The following MFAP1 variants were observed in gnomAD, a reference collection of about 807,000 sequenced individuals.
MFAP1 encodes microfibrillar-associated protein 1.
In MFAP1, 18 loss-of-function variants were observed where a neutral mutation model predicts 62.2. The ratio of observed to expected loss-of-function variants is 0.29; its 90% CI spans 0.20 to 0.43. The LOEUF (loss-of-function observed/expected upper bound fraction) is 0.43, where lower values mean the gene tolerates loss of function less well. Ranked by LOEUF, MFAP1 falls within the 20% of genes least tolerant of loss-of-function variation. MFAP1 has a pLI of 1.00. For synonymous variants in MFAP1, 175 were observed against 180.4 expected (o/e 0.97, Z 0.24); for missense variants, 355 against 559.7 (o/e 0.63, Z 3.69).
At chr15:43,818,101 C>G (rs1031301825) in intron 1 of MFAP1, among the ~76,000 whole-genome samples, 2 of 150,918 alleles carry the variant, frequency 1.3e-5, no homozygotes, top group Non-Finnish European at 2.9e-5. Context: ...CTCACTGCAA[C>G]CTCCGCCTCC....
Position 43,809,787 on chromosome 15 carries a change from G to GT in MFAP1, c.1014dup (p.Gln339ThrfsTer13). The GT allele has an allele frequency of 6.2e-7, 1 of 1,614,078 alleles. No homozygotes were observed. Among genetic ancestry groups the GT allele is most frequent in the Non-Finnish European group, 8.5e-7 (1 of 1,179,980 alleles). On this transcript the variant is annotated frameshift_variant, in exon 7 of 9. Transcript: ENST00000267812. LOFTEE classifies it high-confidence loss of function. ...AAGGCACCCCGGTGATAATACTTCT[G>GT]TAAGAACTTGTATTTGCCCTTAACA... is the stretch of plus-strand genomic sequence containing the variant.
Position 43,813,109 on chromosome 15 carries a change from G to A in MFAP1, c.765C>T (p.Asn255=). The change falls in exon 6 of 9, where the codon AAC becomes AAT. Residue 255 remains asparagine (N), a synonymous_variant. Transcript: ENST00000267812. The stretch of plus-strand genomic sequence containing the variant: ...CATCCAATGCAGCCAGGGATCGCTT[G>A]TTCTCTTCCAGCTCTTTTTTGGTTT... ...EEETKKELEE[N]KRSLAALDAL... 6.2e-7 allele frequency: 1 copy of A among 1,614,144 alleles called. No individual in the cohort carries two copies. The highest frequency in any genetic ancestry group is 8.5e-7 in the Non-Finnish European group (1 of 1,180,034).
Position 43,805,145 on chromosome 15 carries a change from C to G in MFAP1, c.1269G>C (p.Gly423=), listed in dbSNP as rs746903804. ...ATGGCCGCTCAAATACATCTCGTAC[C>G]CCAGCTGCCTTTTGTTTGAAGAACT... ...NTKFFKQKAA[G]VRDVFERPSA... Residue 423 remains glycine, a synonymous_variant, in exon 9 of 9, where the codon GGG becomes GGC. Transcript: ENST00000267812. The G allele has an allele frequency of 1.2e-6, 2 of 1,600,150 alleles. No homozygotes were observed. Among genetic ancestry groups the G allele is most frequent in the African/African-American group, 2.7e-5 (2 of 74,674 alleles).
intron 6 of MFAP1, among the ~76,000 whole-genome samples, chr15:43,811,051 G>A (rs1055655474): frequency 1.4e-5 from 2 of 146,410 alleles, no homozygotes; most frequent in African/African-American, 5.0e-5. Flanking sequence ...CACCACGCCC[G>A]GCCTTGTGTA....
At chr15:43,823,094 C>T (rs2087476642) in intron 1 of MFAP1, among the ~76,000 whole-genome samples, 1 of 151,972 alleles carries the variant, frequency 6.6e-6, no homozygotes, top group Non-Finnish European at 1.5e-5. Context: ...GCCTCAGCCT[C>T]CCAAAGTGCT....
At chr15:43,814,367 AGG>A (rs1159724082) in intron 4 of MFAP1, 132 bp downstream of exon 4, 1 of 932,850 alleles carries the variant, frequency 1.1e-6, no homozygotes, top group Non-Finnish European at 1.6e-6. Context: ...TAGTCTGCCA[AGG>A]GTAGAGCACT....
intron 1 of MFAP1, 151 bp from the exon 2 acceptor site, chr15:43,817,599 A>C (rs1857550386): frequency 2.3e-5 from 18 of 770,994 alleles, no homozygotes; most frequent in Non-Finnish European, 3.7e-5. Flanking sequence ...CTACTCTTCT[A>C]ATGGTGTTTT....
At chr15:43,815,308 T>G (rs1319485718) in intron 2 of MFAP1, among the ~76,000 whole-genome samples, 1 of 151,838 alleles carries the variant, frequency 6.6e-6, no homozygotes, top group Non-Finnish European at 1.5e-5. Context: ...GCCTCCTGAG[T>G]AGCTGGGACT....
At chr15:43,809,148 A>G (rs1261910964) in intron 7 of MFAP1, among the ~76,000 whole-genome samples, 1 of 152,134 alleles carries the variant, frequency 6.6e-6, no homozygotes, top group East Asian at 1.9e-4. Context: ...TAATTAGTCC[A>G]CTATCTGTAC....
At chr15:43,824,441 G>C (rs907494337) in intron 1 of MFAP1, 50 bp downstream of exon 1, 1 of 1,596,590 alleles carries the variant, frequency 6.3e-7, no homozygotes, top group Non-Finnish European at 8.6e-7. Context: ...GAGGTTGCTG[G>C]GGCCGGAAGG....
intron 1 of MFAP1, among the ~76,000 whole-genome samples, chr15:43,823,322 T>C (rs1262410889): frequency 6.6e-6 from 1 of 152,016 alleles, no homozygotes; most frequent in African/African-American, 2.4e-5. Context: ...TGGGGAGCAA[T>C]TGGCAACAGG....
chr15:43,805,616 C>T (rs1195344072), intron 7 of MFAP1, 151 bp from the exon 8 acceptor site: 5 of 509,496 alleles, frequency 9.8e-6, no homozygotes, highest in Admixed American at 4.1e-5. Context: ...AGATGACATT[C>T]TTTTTTTTTT....
intron 6 of MFAP1, among the ~76,000 whole-genome samples, chr15:43,810,997 C>T (rs973051601): frequency 4.0e-5 from 6 of 151,536 alleles, no homozygotes; most frequent in African/African-American, 7.3e-5. Flanking sequence ...CCTTGTGAGC[C>T]GCCCACCTCG....
intron 2 of MFAP1, 57 bp from the exon 3 acceptor site, chr15:43,815,131 A>T (rs989178713): frequency 1.9e-6 from 3 of 1,606,166 alleles, no homozygotes; most frequent in Non-Finnish European, 1.7e-6. Flanking sequence ...AGTAGCATCA[A>T]CTGCATTTCC....
rs2087488341 is a variant in MFAP1, at chr15:43,824,661, T to C, written c.-92A>G. 2.2e-6 allele frequency: 3 copies of C among 1,337,740 alleles called. No homozygotes were observed. Among genetic ancestry groups the C allele is most frequent in the Non-Finnish European group, 3.2e-6 (3 of 937,146 alleles). 82.9% of individuals were successfully genotyped at this position (1,337,740 alleles called of 1,614,324 possible). A position where few individuals can be genotyped will look rare whatever the true frequency, so the allele number is the denominator to read the frequency against. On this transcript the variant is annotated 5_prime_UTR_variant, in exon 1 of 9. Coordinates refer to ENST00000267812, the MANE Select transcript of MFAP1 (RefSeq NM_005926.3). Reference sequence around the variant, plus strand: ...ACGAAGAGAAGAAATTCCTTCCACCTGAGTCCGCGAACACAGCTGCGCGAC... The same window carrying C: ...ACGAAGAGAAGAAATTCCTTCCACCCGAGTCCGCGAACACAGCTGCGCGAC...
rs1465171237 is a variant in MFAP1, at chr15:43,810,137, GCC to G, written c.888-225_888-224del. On this transcript the variant is annotated intron_variant, in intron 6 of 8. Coordinates refer to ENST00000267812, the MANE Select transcript of MFAP1 (RefSeq NM_005926.3). ...TGCCAACTTTCAAAAGTTGATTCTA[GCC>G]CTTCTGACGTTCAGACATACTATTA... 1.3e-5 allele frequency: 6 copies of G among 468,616 alleles called. No individual in the cohort carries two copies. The East Asian group carries it at 2.0e-4, about 15-fold the overall frequency. 29.0% of individuals were successfully genotyped at this position (468,616 alleles called of 1,614,324 possible).
intron 4 of MFAP1, among the ~76,000 whole-genome samples, chr15:43,813,703 G>C (rs1340337657): frequency 2.0e-5 from 3 of 151,560 alleles, no homozygotes; most frequent in African/African-American, 4.8e-5. Flanking sequence ...GTAGAGATGG[G>C]GTTTCACCAT....
intron 1 of MFAP1, among the ~76,000 whole-genome samples, chr15:43,819,874 G>A (rs756720587): frequency 6.6e-6 from 1 of 152,228 alleles, no homozygotes; most frequent in Non-Finnish European, 1.5e-5. Context: ...CCAGCTGGGT[G>A]TGGTGGCTCA....
chr15:43,805,093 C>A lies in MFAP1; in HGVS notation c.*1G>T. 1 of 1,577,272 alleles carries A rather than the reference C, an allele frequency of 6.3e-7. No homozygotes were observed. Among genetic ancestry groups the A allele is most frequent in the Admixed American group, 1.7e-5 (1 of 58,172 alleles). On this transcript the variant is annotated 3_prime_UTR_variant, in exon 9 of 9. Transcript: ENST00000267812. Reference sequence around the variant, plus strand: ...CAGTTGGAAGAATAAGCAGTTGGACCCTAGGTAGTTTTCCGCTTCTTGGCA... The same window carrying A: ...CAGTTGGAAGAATAAGCAGTTGGACACTAGGTAGTTTTCCGCTTCTTGGCA...
Sources: gnomAD v4.1 joint callset for allele counts (sites outside exome capture counted in the v4.1 genomes callset) on GRCh38, gnomAD v4.1.1 for gene constraint, MANE v1.5 for transcripts, NCBI Gene and HGNC (gene_info 2026-07-23, HGNC 2026-07-21) for gene names.